The following SLC25A48 variants were observed in gnomAD, a reference collection of about 807,000 sequenced individuals.
SLC25A48 encodes the protein solute carrier family 25 member 48, also known as CTC-321K16.1.
In SLC25A48, 29 loss-of-function variants were observed where a neutral mutation model predicts 32.2. That is an observed-to-expected ratio of 0.90 (90% CI 0.67 to 1.23). The LOEUF is 1.23. Among genes scored for constraint, SLC25A48 ranks in the 50% most tolerant of loss-of-function variants. The pLI, the probability that SLC25A48 is intolerant of heterozygous loss-of-function variation, is 0.00. For synonymous variants in SLC25A48, 164 were observed against 172.3 expected, an observed-to-expected ratio of 0.95 and a Z score of 0.38; for missense variants, 399 against 422.7, an observed-to-expected ratio of 0.94 and a Z score of 0.49.
intron 3 of SLC25A48, among the ~76,000 whole-genome samples, chr5:135,646,973 T>C (rs1752978862): frequency 6.6e-6 from 1 of 152,000 alleles, no homozygotes; most frequent in Non-Finnish European, 1.5e-5. Flanking sequence ...TATACTATAT[T>C]GTACACTCTT....
intron 3 of SLC25A48, among the ~76,000 whole-genome samples, chr5:135,851,223 A>G (rs1000240945): frequency 6.6e-6 from 1 of 152,246 alleles, no homozygotes; most frequent in Non-Finnish European, 1.5e-5. Context: ...GGGGCTCGGA[A>G]GCCTCCTGCA....
chr5:135,720,749 G>A lies in SLC25A48; in HGVS notation c.-521+85793G>A, dbSNP rs754489165. 2.2e-4 allele frequency among the ~76,000 whole-genome samples: 33 copies of A among 152,302 alleles called. No individual in the cohort carries two copies. In the Middle Eastern group the frequency reaches 0.01, roughly 47 times the overall value. ...AAGGGAAGAGAGGAACATAAGCCAG[G>A]CCTGGAAACCACTGAACAAAAATGG... On this transcript the variant is annotated intron_variant, in intron 3 of 10. Transcript: ENST00000646290.
chr5:135,818,809 C>A (rs910188903), intron 4 of SLC25A48, among the ~76,000 whole-genome samples: 5 of 152,042 alleles, frequency 3.3e-5, no homozygotes, highest in Admixed American at 3.3e-4. Flanking sequence ...GCTATTACAA[C>A]TACGTTCTGT....
chr5:135,806,333 A>G (rs1757463215), intron 3 of SLC25A48, among the ~76,000 whole-genome samples: 1 of 151,708 alleles, frequency 6.6e-6, no homozygotes, highest in South Asian at 2.1e-4. Context: ...ATAGTATGTT[A>G]AAACTAGGTA....
intron 4 of SLC25A48, among the ~76,000 whole-genome samples, chr5:135,817,238 T>A (rs553204924): frequency 6.6e-6 from 1 of 152,276 alleles, no homozygotes; most frequent in East Asian, 1.9e-4. Flanking sequence ...GAGATGCTGC[T>A]AAACATCCAA....
intron 3 of SLC25A48, among the ~76,000 whole-genome samples, chr5:135,680,496 A>G (rs1411934927): frequency 6.6e-6 from 1 of 152,218 alleles, no homozygotes; most frequent in East Asian, 1.9e-4. Flanking sequence ...TTGAAAAAAT[A>G]CCTGAGACTG....
At chr5:135,835,282 T>C (rs1758403074) in intron 1 of SLC25A48, 2 of 445,816 alleles carry the variant, frequency 4.5e-6, no homozygotes, top group Admixed American at 4.9e-5. Context: ...GGGTAGCGCT[T>C]GGCTGCTGAT....
At chr5:135,856,366 C>A (rs546364037) in intron 4 of SLC25A48, among the ~76,000 whole-genome samples, 25 of 152,294 alleles carry the variant, frequency 1.6e-4, no homozygotes, top group African/African-American at 6.0e-4. Context: ...TTCTGAGTAG[C>A]CCCTGTGTGA....
intron 4 of SLC25A48, among the ~76,000 whole-genome samples, chr5:135,820,996 A>G (rs1278382287): frequency 2.6e-5 from 4 of 152,180 alleles, no homozygotes; most frequent in African/African-American, 9.7e-5. Flanking sequence ...CGTGACCATC[A>G]ATGGCATTCC....
At chr5:135,604,850 G>T (rs1392378998) in intron 1 of SLC25A48, among the ~76,000 whole-genome samples, 2 of 152,160 alleles carry the variant, frequency 1.3e-5, no homozygotes, top group African/African-American at 2.4e-5. Flanking sequence ...ACTGCCAGGC[G>T]TGAACTCCAG....
chr5:135,666,568 A>G (rs1753529333), intron 3 of SLC25A48, among the ~76,000 whole-genome samples: 1 of 152,140 alleles, frequency 6.6e-6, no homozygotes, highest in African/African-American at 2.4e-5. Flanking sequence ...GCCACGGCTG[A>G]AAACTAGGGC....
intron 3 of SLC25A48, among the ~76,000 whole-genome samples, chr5:135,683,845 G>C (rs1349474104): frequency 6.6e-6 from 1 of 152,152 alleles, no homozygotes; most frequent in Non-Finnish European, 1.5e-5. Flanking sequence ...CCCATTCCCA[G>C]CTTAGCTTGG....
chr5:135,765,175 C>T (rs73285094), intron 3 of SLC25A48, among the ~76,000 whole-genome samples: 82 of 151,114 alleles, frequency 5.4e-4, no homozygotes, highest in African/African-American at 2.0e-3. Flanking sequence ...CCCCATATCG[C>T]GGGGTGTACA....
chr5:135,600,184 G>A (rs1751761225), intron 1 of SLC25A48, among the ~76,000 whole-genome samples: 1 of 152,222 alleles, frequency 6.6e-6, no homozygotes, highest in Admixed American at 6.5e-5. Flanking sequence ...GGTAGATGGA[G>A]GCGCTTCTAA....
intron 1 of SLC25A48, among the ~76,000 whole-genome samples, chr5:135,583,425 C>T (rs987541259): frequency 2.0e-5 from 3 of 151,930 alleles, no homozygotes; most frequent in Non-Finnish European, 4.4e-5. Context: ...AGCTGGGATC[C>T]AGGGCAATTC....
chr5:135,750,368 G>A (rs1253057210), intron 3 of SLC25A48, among the ~76,000 whole-genome samples: 1 of 152,126 alleles, frequency 6.6e-6, no homozygotes, highest in Non-Finnish European at 1.5e-5. Flanking sequence ...TTCGACTGGG[G>A]GTTGGCTGGA....
At position 135,631,447 on chromosome 5, in the gene SLC25A48, A is replaced by G. The variant is rs534891200; in HGVS notation, c.-709+2071A>G. On this transcript the variant is annotated intron_variant, in intron 2 of 10. Coordinates refer to the SLC25A48 transcript ENST00000646290. ...GATATTGGCAGCCTTTTATCTTCAC[A>G]GGGCTCCCATCTGTTTGGCAGCTCA... Among the ~76,000 whole-genome samples the G allele has an allele frequency of 1.6e-4, 25 of 152,316 alleles. No individual in the cohort carries two copies. The South Asian group carries it at 2.3e-3, about 14-fold the overall frequency.
chr5:135,629,094 G>A lies in SLC25A48; in HGVS notation c.-848-143G>A, dbSNP rs1033252833. 1 of 152,194 alleles carries A rather than the reference G, an allele frequency of 6.6e-6. No individual in the cohort carries two copies. The highest frequency in any genetic ancestry group is 1.5e-5 in the Non-Finnish European group (1 of 68,044). 9.4% of individuals were successfully genotyped at this position (152,194 alleles called of 1,614,324 possible). A position where few individuals can be genotyped will look rare whatever the true frequency, so the allele number is the denominator to read the frequency against. On this transcript the variant is annotated intron_variant, in intron 1 of 10. Transcript: ENST00000646290. This position sits in a 1 kb window ranked among gnomAD's most constrained non-coding sequence, Gnocchi z 4.8. Reference sequence around the variant, plus strand: ...TTAAACTGTGACTTTTTAAGGAGGAGAAATTTCATTATAGATCCAATTTTG... The same window carrying A: ...TTAAACTGTGACTTTTTAAGGAGGAAAAATTTCATTATAGATCCAATTTTG...
chr5:135,657,200 C>T (rs1235928542), intron 3 of SLC25A48, among the ~76,000 whole-genome samples: 1 of 152,120 alleles, frequency 6.6e-6, no homozygotes, highest in Non-Finnish European at 1.5e-5. Flanking sequence ...GATTCAGTTC[C>T]AAGCAGAACT....
Sources: allele counts gnomAD v4.1 joint callset (sites outside exome capture counted in the v4.1 genomes callset), GRCh38; gene constraint gnomAD v4.1.1; non-coding constraint Gnocchi (gnomAD v3.1); transcripts MANE v1.5; gene names NCBI Gene and HGNC (gene_info 2026-07-23, HGNC 2026-07-21).